The following ENTREP2 variants were observed in gnomAD, a reference collection of about 807,000 sequenced individuals.
ENTREP2 encodes protein ENTREP2.
the ENTREP2 span, among the ~76,000 whole-genome samples, chr15:29,489,753 T>G: frequency 3.9e-5 from 6 of 152,194 alleles, no homozygotes; most frequent in Admixed American, 1.3e-4. Flanking sequence ...AACACGCCCC[T>G]GCCTGATGCC....
At chr15:29,561,679 C>A in the ENTREP2 span, among the ~76,000 whole-genome samples, 3 of 142,976 alleles carry the variant, frequency 2.1e-5, no homozygotes, top group South Asian at 2.3e-4. Flanking sequence ...CAGAGCGAGA[C>A]TCCATCTCAA....
the ENTREP2 span, among the ~76,000 whole-genome samples, chr15:29,588,070 G>A: frequency 6.6e-6 from 1 of 152,086 alleles, no homozygotes; most frequent in African/African-American, 2.4e-5. Flanking sequence ...ACTGAGCATC[G>A]ACAGCGGCTA....
the ENTREP2 span, among the ~76,000 whole-genome samples, chr15:29,385,729 C>T: frequency 6.7e-4 from 102 of 152,196 alleles, no homozygotes; most frequent in African/African-American, 2.3e-3. Context: ...GGGTGCCTGG[C>T]GAGGGCTCCA....
the ENTREP2 span, among the ~76,000 whole-genome samples, chr15:29,560,241 C>G: frequency 2.2e-4 from 33 of 152,166 alleles, no homozygotes; most frequent in African/African-American, 7.5e-4. Context: ...TCCTTGAAAA[C>G]AGAGCAGAAG....
At chr15:29,231,831 A>G in the ENTREP2 span, among the ~76,000 whole-genome samples, 1 of 151,526 alleles carries the variant, frequency 6.6e-6, no homozygotes, top group African/African-American at 2.4e-5. Context: ...GTCCATAAAG[A>G]GTAATTTAAG....
At chr15:29,404,417 A>G in the ENTREP2 span, among the ~76,000 whole-genome samples, 21 of 150,964 alleles carry the variant, frequency 1.4e-4, no homozygotes, top group African/African-American at 4.9e-4. Flanking sequence ...CTTTCCCCTC[A>G]CTGGCACAGG....
the ENTREP2 span, among the ~76,000 whole-genome samples, chr15:29,240,756 A>T: frequency 2.0e-5 from 3 of 152,226 alleles, no homozygotes; most frequent in African/African-American, 7.2e-5. Flanking sequence ...ACAGGTTGGA[A>T]TCTGATGCCA....
chr15:29,384,152 C>T, the ENTREP2 span, among the ~76,000 whole-genome samples: 6 of 152,180 alleles, frequency 3.9e-5, no homozygotes, highest in East Asian at 1.2e-3. Context: ...AGGACACCGG[C>T]CTTTCTTGGA....
the ENTREP2 span, among the ~76,000 whole-genome samples, chr15:29,371,349 A>AAC: frequency 0.039 from 5,202 of 133,894 alleles, 104 homozygotes; most frequent in Middle Eastern, 0.063. Flanking sequence ...CACCCCCGCA[A>AAC]ACACACACAC....
At chr15:29,291,922 ATTAT>A in the ENTREP2 span, among the ~76,000 whole-genome samples, 1 of 152,054 alleles carries the variant, frequency 6.6e-6, no homozygotes, top group Non-Finnish European at 1.5e-5. Flanking sequence ...AAAGGAAAAT[ATTAT>A]TATTACCATT....
the ENTREP2 span, among the ~76,000 whole-genome samples, chr15:29,598,492 G>T: frequency 6.6e-6 from 1 of 152,150 alleles, no homozygotes. Context: ...TTTGCTTGAG[G>T]TGTTCATCAG....
the ENTREP2 span, among the ~76,000 whole-genome samples, chr15:29,558,593 C>T: frequency 1.5e-5 from 1 of 67,288 alleles, no homozygotes; most frequent in African/African-American, 5.8e-5. Context: ...CCCTGAAAAA[C>T]CCAGGTTTGA....
chr15:29,202,566 C>T, the ENTREP2 span, among the ~76,000 whole-genome samples: 3 of 151,940 alleles, frequency 2.0e-5, no homozygotes, highest in Admixed American at 6.6e-5. Context: ...TCTGCTGCAC[C>T]CGTCAACCCA....
At chr15:29,647,243 T>C in the ENTREP2 span, among the ~76,000 whole-genome samples, 1 of 152,226 alleles carries the variant, frequency 6.6e-6, no homozygotes, top group Non-Finnish European at 1.5e-5. Context: ...AACACACAGG[T>C]AGATCCTCTC....
the ENTREP2 span, among the ~76,000 whole-genome samples, chr15:29,557,753 G>C: frequency 6.6e-6 from 1 of 152,158 alleles, no homozygotes; most frequent in African/African-American, 2.4e-5. Flanking sequence ...TCACCACCTG[G>C]ATCTTTAGGG....
the ENTREP2 span, among the ~76,000 whole-genome samples, chr15:29,630,111 G>A: frequency 6.6e-6 from 1 of 152,066 alleles, no homozygotes; most frequent in Admixed American, 6.6e-5. Context: ...ATGAGACCCT[G>A]TCTCAAAAAT....
chr15:29,188,420 C>T, the ENTREP2 span, among the ~76,000 whole-genome samples: 17 of 152,132 alleles, frequency 1.1e-4, no homozygotes, highest in Middle Eastern at 3.4e-3. Flanking sequence ...CTTGCCCCCA[C>T]CCCCTGACAG....
the ENTREP2 span, among the ~76,000 whole-genome samples, chr15:29,142,003 C>G: frequency 1.3e-5 from 2 of 152,280 alleles, no homozygotes; most frequent in Admixed American, 6.5e-5. Flanking sequence ...GCTGCTCGTT[C>G]TGTGAAAACC....
chr15:29,203,985 T>C, the ENTREP2 span, among the ~76,000 whole-genome samples: 3 of 152,208 alleles, frequency 2.0e-5, no homozygotes, highest in Non-Finnish European at 2.9e-5. Flanking sequence ...TCAAATAAAA[T>C]AACCCTTCAA....
Sources: allele counts gnomAD v4.1 joint callset (sites outside exome capture counted in the v4.1 genomes callset), GRCh38; gene constraint gnomAD v4.1.1; transcripts MANE v1.5; gene names NCBI Gene and HGNC (gene_info 2026-07-23, HGNC 2026-07-21).